Variants in RIMS1 observed in about 807,000 individuals in gnomAD.
RIMS1 encodes regulating synaptic membrane exocytosis 1, also known as regulating synaptic membrane exocytosis protein 1.
Under a neutral mutation model 214.1 loss-of-function variants are expected in RIMS1, and 83 were observed. The observed-to-expected ratio is 0.39, with a 90% CI of 0.32 to 0.47. The LOEUF is 0.47. Among genes scored for constraint, RIMS1 ranks in the 20% least tolerant of loss-of-function variants. RIMS1 has a pLI of 0.99. For synonymous variants in RIMS1, 793 were observed against 786.8 expected (o/e 1.01, Z -0.13); for missense variants, 2,050 against 2,161.8 (o/e 0.95, Z 1.03).
At chr6:72,106,069 A>G (rs1373046512) in intron 4 of RIMS1, among the ~76,000 whole-genome samples, 1 of 152,186 alleles carries the variant, frequency 6.6e-6, no homozygotes, top group Non-Finnish European at 1.5e-5. Context: ...GTTTTTATAT[A>G]TGGCCTTACT....
At chr6:71,949,363 A>G (rs189740312) in intron 1 of RIMS1, among the ~76,000 whole-genome samples, 33 of 152,072 alleles carry the variant, frequency 2.2e-4, no homozygotes, top group Non-Finnish European at 4.4e-4. Flanking sequence ...GGGAGAAAAA[A>G]GAGTGAGAGA....
chr6:72,113,296 G>C (rs890304971), intron 4 of RIMS1, among the ~76,000 whole-genome samples: 5 of 152,078 alleles, frequency 3.3e-5, no homozygotes, highest in South Asian at 2.1e-4. Flanking sequence ...TACTAGGCTT[G>C]ATTCTCGTCT....
rs188447139 is a variant in RIMS1 at position 71,953,654 on chromosome 6, C to T, written c.165-15329C>T. On this transcript the variant is annotated intron_variant, in intron 1 of 33. Transcript: ENST00000521978. ...GTACTTTCCCTTTCAGAATTAGTTT[C>T]TTTCCTAAATATAAAAACATACTTA... is the stretch of plus-strand genomic sequence containing the variant. 1.2e-4 allele frequency among the ~76,000 whole-genome samples: 19 copies of T among 152,208 alleles called. No individual in the cohort carries two copies. In the East Asian group the frequency reaches 3.7e-3, roughly 29 times the overall value.
chr6:71,996,522 C>G (rs750810686), intron 2 of RIMS1, among the ~76,000 whole-genome samples: 7 of 152,206 alleles, frequency 4.6e-5, no homozygotes, highest in Non-Finnish European at 1.0e-4. Flanking sequence ...ACCTAAAGCT[C>G]TCTTTCCTAA....
In RIMS1 at chr6:72,096,987, T is replaced by C; in HGVS notation, c.284T>C (p.Val95Ala). ...CAGTTTGAAAGCTATAAGGAACAAG[T>C]GAGAAAAATAGGGGAAGAAGCGCGG... Reference protein sequence around the residue: ...HQQFESYKEQVRKIGEEARRY... With the variant: ...HQQFESYKEQARKIGEEARRY... The change falls in exon 3 of 34, where the codon GTG (valine) becomes GCG (alanine). Residue 95 changes from valine to alanine, a missense_variant. Physicochemically the swap from Val to Ala is moderately conservative, Grantham distance 64. This residue lies in a region of RIMS1 where 882 missense variants were observed against 828.9 expected (regional missense o/e 1.06). Coordinates refer to ENST00000521978, the MANE Select transcript of RIMS1 (RefSeq NM_014989.7). 6.2e-7 allele frequency: 1 copy of C among 1,613,740 alleles called. No homozygotes were observed. Among genetic ancestry groups the C allele is most frequent in the Non-Finnish European group, 8.5e-7 (1 of 1,179,798 alleles).
chr6:72,048,606 T>G (rs371986600), intron 2 of RIMS1, among the ~76,000 whole-genome samples: 1 of 152,186 alleles, frequency 6.6e-6, no homozygotes, highest in African/African-American at 2.4e-5. Context: ...ACTACCATAA[T>G]GAAGGATCTG....
At chr6:72,184,121 A>G (rs770472587) in intron 6 of RIMS1, among the ~76,000 whole-genome samples, 18 of 152,186 alleles carry the variant, frequency 1.2e-4, no homozygotes, top group African/African-American at 2.9e-4. Context: ...TTTCTCCAGT[A>G]AATTGCGTGG....
chr6:72,180,008 G>A lies in RIMS1; in HGVS notation c.812+93G>A, dbSNP rs17725666. 285,167 of 846,686 alleles carry A rather than the reference G, an allele frequency of 0.34. 51,268 individuals are homozygous for A. Among genetic ancestry groups the A allele is most frequent in the Non-Finnish European group, 0.37 (214,585 of 576,694 alleles). The allele number at this position is 846,686 out of a possible 1,614,324, so 52.4% of individuals were successfully genotyped here. ...ATTTAACTTCTATTACGAGGAATAT[G>A]TGGAAGTAGTACTTCTCAGGCCCCA... is the stretch of plus-strand genomic sequence containing the variant. On this transcript the variant is annotated intron_variant, in intron 5 of 33. Coordinates refer to ENST00000521978, the MANE Select transcript of RIMS1 (RefSeq NM_014989.7).
rs541276118 is a variant in RIMS1, at chr6:72,354,057, T to G, written c.4366+20222T>G. 5.9e-5 allele frequency among the ~76,000 whole-genome samples: 9 copies of G among 152,226 alleles called. No individual in the cohort carries two copies. In the East Asian group the frequency reaches 7.7e-4, roughly 13 times the overall value. ...CAACATGGTAAAACCCCGTCTCTACTGCAAATACAAAAATTAGCCGGGCGT... is the reference window on the plus strand; with the variant it reads ...CAACATGGTAAAACCCCGTCTCTACGGCAAATACAAAAATTAGCCGGGCGT... On this transcript the variant is annotated intron_variant, in intron 29 of 33. Coordinates refer to ENST00000521978, the MANE Select transcript of RIMS1 (RefSeq NM_014989.7).
At chr6:72,096,848 G>GC in intron 2 of RIMS1, 101 bp from the exon 3 acceptor site, 1 of 1,008,034 alleles carries the variant, frequency 9.9e-7, no homozygotes, top group South Asian at 1.4e-5. Flanking sequence ...AGTTCAAAGA[G>GC]CTATGCTTCC....
chr6:72,312,200 A>C (rs1489705898), intron 27 of RIMS1, among the ~76,000 whole-genome samples: 1 of 152,196 alleles, frequency 6.6e-6, no homozygotes, highest in East Asian at 1.9e-4. Flanking sequence ...CACAAAGGAT[A>C]GATGACTTTT....
At chr6:72,007,755 G>C (rs1486789341) in intron 2 of RIMS1, among the ~76,000 whole-genome samples, 1 of 152,148 alleles carries the variant, frequency 6.6e-6, no homozygotes, top group Non-Finnish European at 1.5e-5. Flanking sequence ...GAAATGAAGC[G>C]AGAAGAGAAG....
At chr6:72,268,183 G>C (rs2081443438) in intron 22 of RIMS1, among the ~76,000 whole-genome samples, 1 of 152,150 alleles carries the variant, frequency 6.6e-6, no homozygotes, top group African/African-American at 2.4e-5. Flanking sequence ...CTATGAAGCA[G>C]CTTTGAAGCA....
chr6:71,974,584 G>C (rs960335957), intron 2 of RIMS1, among the ~76,000 whole-genome samples: 6 of 152,130 alleles, frequency 3.9e-5, no homozygotes, highest in Non-Finnish European at 7.4e-5. Context: ...GGAGAGGCAG[G>C]AGGTAGAGAA....
At chr6:72,361,665 G>C (rs1025855234) in intron 29 of RIMS1, among the ~76,000 whole-genome samples, 14 of 152,220 alleles carry the variant, frequency 9.2e-5, no homozygotes, top group Admixed American at 2.0e-4. Context: ...ACTTCTGGAG[G>C]CTCTAAGAGA....
intron 2 of RIMS1, among the ~76,000 whole-genome samples, chr6:71,982,783 C>T (rs1343619239): frequency 6.6e-6 from 1 of 152,202 alleles, no homozygotes; most frequent in East Asian, 1.9e-4. Flanking sequence ...CTTTTGTCTT[C>T]TATTCCTTTA....
At chr6:71,908,569 C>T (rs925075139) in intron 1 of RIMS1, among the ~76,000 whole-genome samples, 1 of 152,156 alleles carries the variant, frequency 6.6e-6, no homozygotes. Flanking sequence ...AAATGGGTGG[C>T]TGCATATAAG....
At chr6:72,400,358 T>A in intron 33 of RIMS1, 138 bp from the exon 34 acceptor site, 1 of 682,380 alleles carries the variant, frequency 1.5e-6, no homozygotes, top group East Asian at 2.7e-5. Flanking sequence ...CTGTGCCTTC[T>A]CCTTGGTGAT....
intron 9 of RIMS1, among the ~76,000 whole-genome samples, chr6:72,238,965 A>G (rs1233858520): frequency 6.6e-6 from 1 of 152,128 alleles, no homozygotes; most frequent in African/African-American, 2.4e-5. Context: ...AGAAAACTCT[A>G]ATCGGATTTT....
Sources: allele counts gnomAD v4.1 joint callset (sites outside exome capture counted in the v4.1 genomes callset), GRCh38; gene constraint gnomAD v4.1.1; regional missense constraint gnomAD v4.1.1; transcripts MANE v1.5; gene names NCBI Gene and HGNC (gene_info 2026-07-23, HGNC 2026-07-21).